Variants in HDAC4 observed in about 807,000 individuals in gnomAD.
HDAC4 encodes the protein histone deacetylase A.
Under a neutral mutation model 135.1 loss-of-function variants are expected in HDAC4, and 16 were observed. That is an observed-to-expected ratio of 0.12 (90% CI 0.08 to 0.18). The LOEUF (loss-of-function observed/expected upper bound fraction) is 0.18, where lower values mean the gene tolerates loss of function less well. Among genes scored for constraint, HDAC4 ranks in the 10% least tolerant of loss-of-function variants. The pLI is 1.00. For synonymous variants in HDAC4, 685 were observed against 653.4 expected (o/e 1.05, Z -0.74); for missense variants, 1,143 against 1,511.8 (o/e 0.76, Z 4.05).
chr2:239,055,396 GC>G (rs1239588957), intron 24 of HDAC4: 1 of 173,726 alleles, frequency 5.8e-6, no homozygotes, highest in East Asian at 1.5e-4. Flanking sequence ...GGGCAACAGG[GC>G]AAAGCATTTG....
chr2:239,329,618 C>G (rs559493855), intron 2 of HDAC4, among the ~76,000 whole-genome samples: 2 of 151,746 alleles, frequency 1.3e-5, no homozygotes, highest in African/African-American at 4.8e-5. Context: ...CCAAGTTATT[C>G]TGAAATTTCA....
chr2:239,177,235 G>A (rs2043831588), intron 4 of HDAC4, among the ~76,000 whole-genome samples: 1 of 152,212 alleles, frequency 6.6e-6, no homozygotes, highest in East Asian at 1.9e-4. Context: ...GAGAGAAGAG[G>A]CAAGACTGAA....
intron 1 of HDAC4, among the ~76,000 whole-genome samples, chr2:239,362,618 G>A (rs1693935084): frequency 6.6e-6 from 1 of 152,134 alleles, no homozygotes; most frequent in Non-Finnish European, 1.5e-5. Context: ...TGCTGGTGAC[G>A]GAACGGCCAG....
intron 9 of HDAC4, among the ~76,000 whole-genome samples, chr2:239,135,389 C>T (rs1426920941): frequency 2.0e-5 from 3 of 152,154 alleles, no homozygotes; most frequent in African/African-American, 4.8e-5. Flanking sequence ...GAGAAAAGCA[C>T]GCGGTGAGGA....
rs763368403 is a variant in HDAC4 at position 239,068,768 on chromosome 2, C to T, written c.2751-161G>A. 39 of 710,382 alleles carry T rather than the reference C, an allele frequency of 5.5e-5. No homozygotes were observed. Among genetic ancestry groups the T allele is most frequent in the Middle Eastern group, 2.3e-4 (1 of 4,334 alleles). The allele number at this position is 710,382 out of a possible 1,614,324, so 44.0% of individuals were successfully genotyped here. ...ACAGCAGGCTGGAATCTGGCGACCA[C>T]GCTTAATTAGAAGGGAATCAACCCA... is the stretch of plus-strand genomic sequence containing the variant. On this transcript the variant is annotated intron_variant, in intron 22 of 26. Coordinates refer to ENST00000543185, the MANE Select transcript of HDAC4 (RefSeq NM_001378414.1). This position sits in a 1 kb window ranked among gnomAD's most constrained non-coding sequence, Gnocchi z 4.4.
chr2:239,252,751 C>T (rs112178820), intron 2 of HDAC4, among the ~76,000 whole-genome samples: 11 of 152,328 alleles, frequency 7.2e-5, no homozygotes, highest in African/African-American at 2.6e-4. Flanking sequence ...GTTTTAAATG[C>T]TTCATAGCTC....
chr2:239,351,798 C>A (rs1168689455), intron 2 of HDAC4: 2 of 154,388 alleles, frequency 1.3e-5, no homozygotes, highest in African/African-American at 2.4e-5. Context: ...GCCTCAGGTG[C>A]CTGTCCAAGC....
chr2:239,291,003 A>G (rs888356241), intron 2 of HDAC4, among the ~76,000 whole-genome samples: 1 of 152,246 alleles, frequency 6.6e-6, no homozygotes, highest in African/African-American at 2.4e-5. Context: ...GCCTCAAGAA[A>G]ACCGAGGACA....
rs2052770571 is a variant in HDAC4, at chr2:239,309,505, C to A, written c.22+43173G>T. ...CACTCAGCTCCACTCCTGCTTCCTT[C>A]CTCTCACTCCACATCCGAGTTAGAG... On this transcript the variant is annotated intron_variant, in intron 2 of 26. Transcript: ENST00000543185. This position sits in a 1 kb window ranked among gnomAD's most constrained non-coding sequence, Gnocchi z 4.2. Among the ~76,000 whole-genome samples the A allele has an allele frequency of 6.6e-6, 1 of 152,234 alleles. No individual in the cohort carries two copies. Among genetic ancestry groups the A allele is most frequent in the African/African-American group, 2.4e-5 (1 of 41,466 alleles).
intron 2 of HDAC4, among the ~76,000 whole-genome samples, chr2:239,345,241 T>C (rs2125885211): frequency 6.6e-6 from 1 of 152,316 alleles, no homozygotes; most frequent in Admixed American, 6.5e-5. Flanking sequence ...ATTCCTTTTC[T>C]GCCCCTTAAA....
intron 24 of HDAC4, among the ~76,000 whole-genome samples, chr2:239,065,497 G>A (rs2033356640): frequency 6.6e-6 from 1 of 152,222 alleles, no homozygotes; most frequent in African/African-American, 2.4e-5. Flanking sequence ...GTCCCCCAGA[G>A]TGGGGGCTGA....
At chr2:239,247,210 A>G (rs1421654131) in intron 2 of HDAC4, among the ~76,000 whole-genome samples, 1 of 152,172 alleles carries the variant, frequency 6.6e-6, no homozygotes, top group African/African-American at 2.4e-5. Context: ...CCACTTTTTC[A>G]TGCTGTACCC....
intron 1 of HDAC4, among the ~76,000 whole-genome samples, chr2:239,355,372 T>C (rs370413724): frequency 6.6e-6 from 1 of 152,228 alleles, no homozygotes; most frequent in Non-Finnish European, 1.5e-5. Flanking sequence ...GCCTCTCAAG[T>C]ATGTTCTTCA....
intron 2 of HDAC4, among the ~76,000 whole-genome samples, chr2:239,321,498 C>G (rs2053312085): frequency 7.0e-6 from 1 of 142,758 alleles, no homozygotes; most frequent in African/African-American, 2.6e-5. Context: ...AAAAGGTTAG[C>G]TTACATTTTT....
At chr2:239,148,014 G>A (rs6714076) in intron 7 of HDAC4, among the ~76,000 whole-genome samples, 9,576 of 152,246 alleles carry the variant, frequency 0.063, 1,021 homozygotes, top group African/African-American at 0.22. Flanking sequence ...GGGGACAGGC[G>A]TGCACCTGGC....
At chr2:239,383,965 T>C (rs917517343) in intron 1 of HDAC4, among the ~76,000 whole-genome samples, 4 of 152,216 alleles carry the variant, frequency 2.6e-5, no homozygotes, top group African/African-American at 7.2e-5. Flanking sequence ...CTGCCATCGC[T>C]GGCACCTGGG....
chr2:239,389,459 C>T (rs551451013), intron 1 of HDAC4, among the ~76,000 whole-genome samples: 5 of 152,262 alleles, frequency 3.3e-5, no homozygotes, highest in Admixed American at 2.0e-4. Context: ...GAACAAACTC[C>T]GGACACACCA....
At chr2:239,094,137 C>A in intron 17 of HDAC4, 1 of 985,488 alleles carries the variant, frequency 1.0e-6, no homozygotes, top group Non-Finnish European at 1.2e-6. Context: ...CTCCCGTCCT[C>A]CCTGCCTGTA....
chr2:239,219,733 A>G (rs1444915967), intron 3 of HDAC4, among the ~76,000 whole-genome samples: 3 of 152,258 alleles, frequency 2.0e-5, no homozygotes, highest in African/African-American at 4.8e-5. Flanking sequence ...GAAATGTGCA[A>G]TCGAGATATC....
Sources: gnomAD v4.1 joint callset for allele counts (sites outside exome capture counted in the v4.1 genomes callset) on GRCh38, gnomAD v4.1.1 for gene constraint, Gnocchi (gnomAD v3.1) non-coding constraint, MANE v1.5 for transcripts, NCBI Gene and HGNC (gene_info 2026-07-23, HGNC 2026-07-21) for gene names.